MTUS2: variants seen among roughly 807,000 people sequenced by gnomAD.
The protein encoded by MTUS2 is microtubule associated scaffold protein 2, also known as microtubule-associated tumor suppressor candidate 2.
A neutral mutation model predicts 114.1 loss-of-function variants in MTUS2; 40 were observed. The observed-to-expected ratio is 0.35, with a 90% confidence interval of 0.27 to 0.46. The LOEUF (loss-of-function observed/expected upper bound fraction) is 0.46. MTUS2 is among the 20% of genes least tolerant of loss of function. The pLI is 1.00. For missense variants in MTUS2, 1,679 were observed against 1,705.4 expected, an observed-to-expected ratio of 0.98 and a Z score of 0.27; for synonymous variants, 688 against 672.0, an observed-to-expected ratio of 1.02 and a Z score of -0.37.
intron 4 of MTUS2, among the ~76,000 whole-genome samples, chr13:29,096,906 C>A (rs1456080920): frequency 6.6e-6 from 1 of 152,080 alleles, no homozygotes; most frequent in African/African-American, 2.4e-5. Flanking sequence ...GATTGGGGCC[C>A]CAGTATTGTT....
Position 28,907,751 on chromosome 13 carries a change from C to T in MTUS2, c.-243+67901C>T, listed in dbSNP as rs547654124. Among the ~76,000 whole-genome samples the T allele has an allele frequency of 1.8e-4, 27 of 151,710 alleles. 2 individuals carry two copies. The highest frequency in any genetic ancestry group is 5.3e-4 in the African/African-American group (22 of 41,216). On this transcript the variant is annotated intron_variant, in intron 2 of 15. Coordinates refer to ENST00000612955, the MANE Select transcript of MTUS2 (RefSeq NM_001033602.4). Reference sequence around the variant, plus strand: ...AATACAGGAGCACCCAAATTCATAACGCAAGTACTGAGTGACCTACAAAGA... The same window carrying T: ...AATACAGGAGCACCCAAATTCATAATGCAAGTACTGAGTGACCTACAAAGA...
chr13:29,211,881 T>A (rs2139285509), intron 5 of MTUS2, among the ~76,000 whole-genome samples: 1 of 152,130 alleles, frequency 6.6e-6, no homozygotes, highest in Admixed American at 6.5e-5. Flanking sequence ...CTTCAGTAGT[T>A]CTTGGAGCCA....
chr13:29,155,274 G>C (rs1309585379), intron 5 of MTUS2, among the ~76,000 whole-genome samples: 2 of 152,234 alleles, frequency 1.3e-5, no homozygotes, highest in Non-Finnish European at 2.9e-5. Context: ...GGGGAAATAA[G>C]ACTTGAGTGA....
intron 5 of MTUS2, among the ~76,000 whole-genome samples, chr13:29,134,324 A>G (rs959277275): frequency 2.6e-5 from 4 of 152,104 alleles, no homozygotes; most frequent in African/African-American, 9.7e-5. Flanking sequence ...AAAATTTCCC[A>G]TGTGCACTTG....
intron 5 of MTUS2, among the ~76,000 whole-genome samples, chr13:29,108,084 G>C (rs1890740629): frequency 1.3e-5 from 2 of 152,160 alleles, no homozygotes; most frequent in Non-Finnish European, 2.9e-5. Flanking sequence ...TAACACATTT[G>C]ATTTTCTACG....
intron 5 of MTUS2, among the ~76,000 whole-genome samples, chr13:29,146,511 C>T (rs752919647): frequency 6.7e-4 from 102 of 152,314 alleles, no homozygotes; most frequent in Non-Finnish European, 1.3e-3. Context: ...GATTACTAGG[C>T]ATCCAATTTC....
At chr13:29,348,871 G>C (rs1185715266) in intron 7 of MTUS2, among the ~76,000 whole-genome samples, 1 of 152,106 alleles carries the variant, frequency 6.6e-6, no homozygotes, top group Non-Finnish European at 1.5e-5. Context: ...AGCCACTTCA[G>C]CTTTCTCTTA....
chr13:29,462,413 A>G (rs908344403), intron 9 of MTUS2, among the ~76,000 whole-genome samples: 1 of 151,964 alleles, frequency 6.6e-6, no homozygotes, highest in Non-Finnish European at 1.5e-5. Flanking sequence ...TGCTGTGCTG[A>G]GATTAAATGG....
rs1566313175 is a variant in MTUS2 at position 29,036,161 on chromosome 13, GAAAAAT to G, written c.2446+2041_2446+2046del. ...TGTCTCAAAAAAAAAAAAAAAGAAAGAAAAATAAAAGAAAAACCCAACAGCTAAGAT... is the reference window on the plus strand; with the variant it reads ...TGTCTCAAAAAAAAAAAAAAAGAAAGAAAAGAAAAACCCAACAGCTAAGAT... On this transcript the variant is annotated intron_variant, in intron 4 of 15. Transcript: ENST00000612955. 1.3e-4 allele frequency among the ~76,000 whole-genome samples: 16 copies of G among 125,980 alleles called. 1 individual carries two copies. Among genetic ancestry groups the G allele is most frequent in the East Asian group, 2.2e-4 (1 of 4,512 alleles). The allele number at this position is 125,980 out of a possible 152,430, so 82.6% of individuals were successfully genotyped here.
At chr13:28,879,875 C>G (rs1878183873) in intron 2 of MTUS2, among the ~76,000 whole-genome samples, 1 of 151,856 alleles carries the variant, frequency 6.6e-6, no homozygotes, top group African/African-American at 2.4e-5. Context: ...TTCAGTAACC[C>G]AGGTAGAAGT....
chr13:29,123,437 G>C (rs113639013), intron 5 of MTUS2, among the ~76,000 whole-genome samples: 2,939 of 152,030 alleles, frequency 0.019, 101 homozygotes, highest in African/African-American at 0.067. Context: ...AAACCTTTGG[G>C]TGGGTGCAGT....
chr13:29,301,198 C>A (rs1388831783), intron 6 of MTUS2, among the ~76,000 whole-genome samples: 5 of 152,170 alleles, frequency 3.3e-5, no homozygotes. Flanking sequence ...TTTCATCTTT[C>A]AAATGCCAGC....
At position 28,954,062 on chromosome 13, in the gene MTUS2, C is replaced by T. The variant is rs548248082; in HGVS notation, c.-242-70395C>T. On this transcript the variant is annotated intron_variant, in intron 2 of 15. Coordinates refer to ENST00000612955, the MANE Select transcript of MTUS2 (RefSeq NM_001033602.4). ...AGTAAAAGTTTAAAATATGACAATG[C>T]GGTATTTAAATTCTGTTGTTAAAAG... Among the ~76,000 whole-genome samples, 138 of 152,080 alleles carry T rather than the reference C, an allele frequency of 9.1e-4. 1 individual carries two copies. Among genetic ancestry groups the T allele is most frequent in the South Asian group, 5.4e-3 (26 of 4,804 alleles).
chr13:29,009,718 A>C (rs1357766103), intron 2 of MTUS2, among the ~76,000 whole-genome samples: 3 of 148,974 alleles, frequency 2.0e-5, no homozygotes, highest in Non-Finnish European at 4.4e-5. Context: ...TGTGAATGAA[A>C]ATCTTTTTAA....
intron 8 of MTUS2, among the ~76,000 whole-genome samples, chr13:29,394,782 G>C (rs1873777465): frequency 6.6e-6 from 1 of 152,206 alleles, no homozygotes; most frequent in Non-Finnish European, 1.5e-5. Context: ...CCTCCTGTCG[G>C]ATCAGCAGCA....
intron 5 of MTUS2, among the ~76,000 whole-genome samples, chr13:29,138,608 G>C (rs1389872259): frequency 6.6e-6 from 1 of 150,984 alleles, no homozygotes; most frequent in East Asian, 1.9e-4. Context: ...ATGAGTGCAG[G>C]GTTTCTTTTG....
At chr13:29,226,185 A>C (rs1896101591) in intron 5 of MTUS2, among the ~76,000 whole-genome samples, 1 of 152,196 alleles carries the variant, frequency 6.6e-6, no homozygotes, top group South Asian at 2.1e-4. Context: ...TGGGGCTGTC[A>C]GATTTACATT....
chr13:29,222,493 T>C (rs1452741520), intron 5 of MTUS2, among the ~76,000 whole-genome samples: 1 of 152,264 alleles, frequency 6.6e-6, no homozygotes, highest in Non-Finnish European at 1.5e-5. Flanking sequence ...CTGATATTTA[T>C]GATCTTTTCT....
chr13:29,267,914 G>T (rs1434538655), intron 5 of MTUS2, among the ~76,000 whole-genome samples: 1 of 152,176 alleles, frequency 6.6e-6, no homozygotes, highest in Admixed American at 6.5e-5. Flanking sequence ...CACCAGCTGG[G>T]AAAATGAAAA....
Sources: allele counts gnomAD v4.1 joint callset (sites outside exome capture counted in the v4.1 genomes callset), GRCh38; gene constraint gnomAD v4.1.1; transcripts MANE v1.5; gene names NCBI Gene and HGNC (gene_info 2026-07-23, HGNC 2026-07-21).